The following ANO5 variants were observed in gnomAD, a reference collection of about 807,000 sequenced individuals.
ANO5 encodes anoctamin 5.
In ANO5, 109 loss-of-function variants were observed where a neutral mutation model predicts 121.0. The observed-to-expected ratio is 0.90, with a 90% CI of 0.77 to 1.06. ANO5 has a LOEUF of 1.06. ANO5 is among the 50% of genes least tolerant of loss of function. The pLI, the probability that ANO5 is intolerant of heterozygous loss-of-function variation, is 0.00. For synonymous variants in ANO5, 406 were observed against 359.9 expected (o/e 1.13, Z -1.45); for missense variants, 1,064 against 1,078.5 (o/e 0.99, Z 0.19).
intron 7 of ANO5, 150 bp downstream of exon 7, chr11:22,227,736 T>A: frequency 2.1e-6 from 2 of 959,368 alleles, no homozygotes; most frequent in Non-Finnish European, 3.1e-6. Context: ...TTTGAAAGTC[T>A]AATTAGACCA....
chr11:22,239,868 A>G lies in ANO5; in HGVS notation c.878+184A>G, dbSNP rs1392963136. Among the ~76,000 whole-genome samples the G allele has an allele frequency of 2.0e-5, 3 of 152,106 alleles. No homozygotes were observed. In the East Asian group the frequency reaches 5.8e-4, roughly 29 times the overall value. ...GTTGTTGCTAAACTGATGAAAGACAACAGCGATAGTATGGTGGTTAGGAGG... is the reference window on the plus strand; with the variant it reads ...GTTGTTGCTAAACTGATGAAAGACAGCAGCGATAGTATGGTGGTTAGGAGG... On this transcript the variant is annotated intron_variant, in intron 9 of 21. Transcript: ENST00000324559.
At chr11:22,192,943 G>A, upstream of ANO5, 1 of 979,344 alleles carries the variant, frequency 1.0e-6, no homozygotes, top group Non-Finnish European at 1.2e-6. Context: ...GGGCCAGCGT[G>A]GAGCCAGCCG....
At position 22,279,669 on chromosome 11, in the gene ANO5, C is replaced by T. The variant is rs34969327; in HGVS notation, c.2646C>T (p.Asn882=). The part of the protein sequence containing the change: ...TIKILHDFEL[N]KLKENLGINS... ...AGATTCTCCATGATTTTGAGCTCAA[C>T]AAATTAAAAGAGAACTTGGGAATTA... Residue 882 remains asparagine (N), a synonymous_variant, in exon 22 of 22, where the codon AAC becomes AAT. Transcript: ENST00000324559. 5.0e-6 allele frequency: 8 copies of T among 1,612,652 alleles called. No individual in the cohort carries two copies. In the African/African-American group the frequency reaches 6.7e-5, roughly 13 times the overall value.
intron 7 of ANO5, among the ~76,000 whole-genome samples, chr11:22,233,658 C>G (rs1383194473): frequency 6.6e-6 from 1 of 152,046 alleles, no homozygotes; most frequent in Non-Finnish European, 1.5e-5. Context: ...AATGATTTCT[C>G]ATTGAAACTC....
At chr11:22,257,538 T>C in intron 13 of ANO5, 142 bp from the exon 14 acceptor site, 1 of 699,920 alleles carries the variant, frequency 1.4e-6, no homozygotes, top group Non-Finnish European at 2.6e-6. Context: ...GAACCATTCC[T>C]ATAATGTAGC....
intron 8 of ANO5, among the ~76,000 whole-genome samples, chr11:22,236,971 C>T (rs1054152075): frequency 6.6e-6 from 1 of 152,234 alleles, no homozygotes. Context: ...GAAAACTTGG[C>T]CTTGGAACCA....
At chr11:22,260,383 TCTC>T (rs1260062359) in intron 15 of ANO5, among the ~76,000 whole-genome samples, 2 of 152,136 alleles carry the variant, frequency 1.3e-5, no homozygotes, top group South Asian at 2.1e-4. Context: ...ATCAGCCTCT[TCTC>T]TGAGTGTTCT....
chr11:22,234,231 A>G (rs1413654912), intron 7 of ANO5, among the ~76,000 whole-genome samples: 1 of 152,114 alleles, frequency 6.6e-6, no homozygotes, highest in African/African-American at 2.4e-5. Flanking sequence ...GTCCTCTTCA[A>G]TTAGGACATG....
intron 3 of ANO5, among the ~76,000 whole-genome samples, chr11:22,215,429 A>G (rs978070246): frequency 1.3e-5 from 2 of 151,942 alleles, no homozygotes; most frequent in African/African-American, 4.8e-5. Flanking sequence ...CATGGCTTTA[A>G]ATACAATTGA....
Position 22,207,729 on chromosome 11 carries a change from T to C in ANO5, c.88-3535T>C, listed in dbSNP as rs971647134. ...TGTTCCCTGAAAGATCCTGTTATGATGATGAACAGACAGGCTACAGACTGG... is the reference window on the plus strand; with the variant it reads ...TGTTCCCTGAAAGATCCTGTTATGACGATGAACAGACAGGCTACAGACTGG... On this transcript the variant is annotated intron_variant, in intron 2 of 21. Coordinates refer to ENST00000324559, the MANE Select transcript of ANO5 (RefSeq NM_213599.3). 7.9e-5 allele frequency among the ~76,000 whole-genome samples: 12 copies of C among 152,184 alleles called. No individual in the cohort carries two copies. The South Asian group carries it at 2.5e-3, about 32-fold the overall frequency.
chr11:22,228,813 A>G (rs1003125741), intron 7 of ANO5, among the ~76,000 whole-genome samples: 18 of 151,858 alleles, frequency 1.2e-4, no homozygotes, highest in Non-Finnish European at 4.4e-5. Flanking sequence ...CATTCTTTTT[A>G]TGGCTATATC....
chr11:22,245,117 A>C (rs914519340), intron 9 of ANO5, among the ~76,000 whole-genome samples: 8 of 152,142 alleles, frequency 5.3e-5, no homozygotes, highest in Middle Eastern at 3.2e-3. Context: ...TGGGTTTCAC[A>C]GTTTTGTATA....
At chr11:22,233,897 G>T (rs1853127184) in intron 7 of ANO5, among the ~76,000 whole-genome samples, 1 of 152,064 alleles carries the variant, frequency 6.6e-6, no homozygotes, top group African/African-American at 2.4e-5. Context: ...CTTTGCTCTT[G>T]ATTTGTCTGC....
chr11:22,273,950 GT>G (rs1564952199), intron 19 of ANO5, among the ~76,000 whole-genome samples: 12 of 151,836 alleles, frequency 7.9e-5, no homozygotes, highest in Non-Finnish European at 1.6e-4. Context: ...TTTTTAAAGC[GT>G]AGCACTAAAA....
chr11:22,221,932 C>T (rs939892029), intron 5 of ANO5, among the ~76,000 whole-genome samples: 1 of 151,934 alleles, frequency 6.6e-6, no homozygotes, highest in African/African-American at 2.4e-5. Context: ...CATACATATA[C>T]AGGTCTGTCC....
In ANO5 at chr11:22,276,159, A is replaced by G; in HGVS notation, c.2480A>G (p.His827Arg). The change falls in exon 21 of 22, where the codon CAT becomes CGT. Residue 827 changes from histidine (H) to arginine (R), a missense_variant. By Grantham distance (29) the His-to-Arg change is conservative. Transcript: ENST00000324559. The stretch of plus-strand genomic sequence containing the variant: ...TATTTTCATAATATGCAATTCTGGC[A>G]TGTCCTTGCTGCCAAGATGACCTTC... ...NKYFHNMQFW[H>R]VLAAKMTFII... 2 of 1,611,630 alleles carry G rather than the reference A, an allele frequency of 1.2e-6. No homozygotes were observed. The highest frequency in any genetic ancestry group is 1.7e-6 in the Non-Finnish European group (2 of 1,178,242).
At position 22,193,610 on chromosome 11, in the gene ANO5, G is replaced by A; in HGVS notation, c.40+78G>A. 3.3e-6 allele frequency: 5 copies of A among 1,536,838 alleles called. 1 individual carries two copies. In the Admixed American group the frequency reaches 9.3e-5, roughly 28 times the overall value. The stretch of plus-strand genomic sequence containing the variant: ...CCTCCACCCGCGGCGCAGAGGCCCC[G>A]GGGGACGTTGGCGGCCCTGCGGCCT... On this transcript the variant is annotated intron_variant, in intron 1 of 21. Coordinates refer to ENST00000324559, the MANE Select transcript of ANO5 (RefSeq NM_213599.3).
intron 9 of ANO5, among the ~76,000 whole-genome samples, chr11:22,247,559 A>T (rs575157149): frequency 2.6e-5 from 4 of 152,220 alleles, no homozygotes; most frequent in African/African-American, 9.6e-5. Context: ...GCCCTAATGG[A>T]TTATTGGATA....
Position 22,279,926 on chromosome 11 carries a change from A to G in ANO5, c.*161A>G. On this transcript the variant is annotated 3_prime_UTR_variant, in exon 22 of 22. Transcript: ENST00000324559. ...TTTTTATACACTTTTATAGAGGCCA[A>G]CTTTGTGATGTTGGAAATGTACTAC... 1.6e-6 allele frequency: 1 copy of G among 639,248 alleles called. No homozygotes were observed. Among genetic ancestry groups the G allele is most frequent in the East Asian group, 2.8e-5 (1 of 36,044 alleles). 39.6% of individuals were successfully genotyped at this position (639,248 alleles called of 1,614,324 possible).
Sources: allele counts gnomAD v4.1 joint callset (sites outside exome capture counted in the v4.1 genomes callset), GRCh38; gene constraint gnomAD v4.1.1; transcripts MANE v1.5; gene names NCBI Gene and HGNC (gene_info 2026-07-23, HGNC 2026-07-21).